The following NECAP1 variants were observed in gnomAD, a reference collection of about 807,000 sequenced individuals.
NECAP1 encodes the protein adaptin ear-binding coat-associated protein 1.
A neutral mutation model predicts 33.4 loss-of-function variants in NECAP1; 13 were observed. That is an observed-to-expected ratio of 0.39 (90% CI 0.25 to 0.62). The LOEUF (loss-of-function observed/expected upper bound fraction) is 0.62, where lower values mean the gene tolerates loss of function less well. Ranked by LOEUF, NECAP1 falls within the 20% of genes least tolerant of loss-of-function variation. The probability of loss-of-function intolerance (pLI) is 0.52; values close to 1 mark genes in which losing one functional copy is unlikely to be tolerated. For missense variants in NECAP1, 272 were observed against 347.4 expected (o/e 0.78, Z 1.73); for synonymous variants, 109 against 125.2 (o/e 0.87, Z 0.86).
At chr12:8,093,233 C>G (rs1038728542) in intron 6 of NECAP1, 178 bp downstream of exon 6, 23 of 569,340 alleles carry the variant, frequency 4.0e-5, no homozygotes, top group Non-Finnish European at 6.2e-5. Flanking sequence ...GTCATAGTAT[C>G]TCATAGGTTC....
rs758960360 is a variant in NECAP1, at chr12:8,087,014, T to A, written c.96-2922T>A. Among the ~76,000 whole-genome samples the A allele has an allele frequency of 9.4e-3, 1,371 of 146,562 alleles. 26 individuals are homozygous for A. The highest frequency in any genetic ancestry group is 0.032 in the African/African-American group (1,299 of 40,268). On this transcript the variant is annotated intron_variant, in intron 1 of 7. Coordinates refer to ENST00000339754, the MANE Select transcript of NECAP1 (RefSeq NM_015509.4). ...TCCAACCTATAAAACTATTTTTTTT[T>A]AAAAAAAAATTCTTCACTACCCTCT... is the stretch of plus-strand genomic sequence containing the variant.
rs1396292556 is a variant in NECAP1, at chr12:8,096,646, C to T, written c.*556C>T. On this transcript the variant is annotated 3_prime_UTR_variant, in exon 8 of 8. Transcript: ENST00000339754. Reference sequence around the variant, plus strand: ...TTCCTGGGTCTCTGCTGTGTAGTCTCCTTCAGGCTTATTGTGCTCAGTGAA... The same window carrying T: ...TTCCTGGGTCTCTGCTGTGTAGTCTTCTTCAGGCTTATTGTGCTCAGTGAA... The T allele has an allele frequency of 6.5e-6, 1 of 152,782 alleles. No individual in the cohort carries two copies. The highest frequency in any genetic ancestry group is 1.5e-5 in the Non-Finnish European group (1 of 68,264). 9.5% of individuals were successfully genotyped at this position (152,782 alleles called of 1,614,324 possible). A position where few individuals can be genotyped will look rare whatever the true frequency, so the allele number is the denominator to read the frequency against.
At chr12:8,092,537 C>T (rs1460762655) in intron 4 of NECAP1, 139 bp from the exon 5 acceptor site, 1 of 611,334 alleles carries the variant, frequency 1.6e-6, no homozygotes, top group South Asian at 2.4e-5. Context: ...GGCTTTTTTC[C>T]CTTCTGTTTC....
At position 8,090,300 on chromosome 12, in the gene NECAP1, G is replaced by A. The variant is rs1947531929; in HGVS notation, c.301+1G>A. The A allele has an allele frequency of 2.5e-6, 4 of 1,613,776 alleles. No individual in the cohort carries two copies. Among genetic ancestry groups the A allele is most frequent in the Non-Finnish European group, 3.4e-6 (4 of 1,179,666 alleles). On this transcript the variant is annotated splice_donor_variant, in intron 3 of 7. Transcript: ENST00000339754. LOFTEE classifies it high-confidence loss of function. ...GTAATCCGGATCCAGGATGGTACTG[G>A]TAAGAGAACTGGGATTTTGAGTGGA...
chr12:8,090,509 A>T, intron 3 of NECAP1: 1 of 534,540 alleles, frequency 1.9e-6, no homozygotes, highest in Non-Finnish European at 3.3e-6. Context: ...ATTCATATGT[A>T]GACTTAAATA....
chr12:8,093,154 C>G, intron 6 of NECAP1, 99 bp downstream of exon 6: 1 of 1,206,974 alleles, frequency 8.3e-7, no homozygotes, highest in Non-Finnish European at 1.2e-6. Flanking sequence ...TATGAAATAG[C>G]TCATGGTACT....
chr12:8,095,541 C>T (rs1947586781), intron 6 of NECAP1, 60 bp from the exon 7 acceptor site: 9 of 1,413,310 alleles, frequency 6.4e-6, no homozygotes, highest in Middle Eastern at 2.3e-4. Flanking sequence ...AGCCACCGCG[C>T]CCGGCCCTTC....
At chr12:8,088,712 T>C (rs1251997542) in intron 1 of NECAP1, among the ~76,000 whole-genome samples, 3 of 152,202 alleles carry the variant, frequency 2.0e-5, no homozygotes, top group African/African-American at 4.8e-5. Flanking sequence ...CTGAAGTTGT[T>C]ACTATGACCC....
intron 1 of NECAP1, 101 bp from the exon 2 acceptor site, chr12:8,089,835 A>G: frequency 1.2e-6 from 1 of 852,056 alleles, no homozygotes. Flanking sequence ...TAGAAAGAAT[A>G]GGCAATCCAG....
chr12:8,095,725 G>A (rs1025667633), intron 7 of NECAP1, 22 bp downstream of exon 7: 10 of 1,570,406 alleles, frequency 6.4e-6, no homozygotes, highest in Non-Finnish European at 7.9e-6. Context: ...AGTGAAACTA[G>A]CATACTCTCA....
Position 8,085,439 on chromosome 12 carries a change from A to G in NECAP1, c.95+3056A>G, listed in dbSNP as rs896507125. Among the ~76,000 whole-genome samples, 11 of 152,144 alleles carry G rather than the reference A, an allele frequency of 7.2e-5. 1 individual carries two copies. Among genetic ancestry groups the G allele is most frequent in the Middle Eastern group, 6.8e-3 (2 of 294 alleles). The stretch of plus-strand genomic sequence containing the variant: ...ACTGAGCCATTAAAGCAGTTTCTTA[A>G]TTTTCCTCTTTTTCCTGTTATCCTT... On this transcript the variant is annotated intron_variant, in intron 1 of 7. Transcript: ENST00000339754.
intron 6 of NECAP1, among the ~76,000 whole-genome samples, chr12:8,094,230 A>G (rs1445636740): frequency 6.6e-6 from 1 of 152,182 alleles, no homozygotes; most frequent in Non-Finnish European, 1.5e-5. Flanking sequence ...TTTTAAATTA[A>G]ATTATTATTT....
intron 4 of NECAP1, 26 bp downstream of exon 4, chr12:8,091,876 G>A (rs762099078): frequency 2.5e-6 from 4 of 1,585,368 alleles, no homozygotes; most frequent in Middle Eastern, 1.7e-4. Context: ...CCTTAGTTAC[G>A]AGGCTGAATG....
intron 6 of NECAP1, chr12:8,095,220 A>G (rs1947583461): frequency 5.7e-6 from 1 of 175,890 alleles, no homozygotes; most frequent in Admixed American, 5.7e-5. Context: ...GCAAACATAA[A>G]TTCTCATCTC....
At chr12:8,093,574 C>G (rs1235673009) in intron 6 of NECAP1, 1 of 155,126 alleles carries the variant, frequency 6.4e-6, no homozygotes, top group Non-Finnish European at 1.4e-5. Flanking sequence ...AAAAAAAATA[C>G]AAACATTAGT....
intron 5 of NECAP1, 25 bp downstream of exon 5, chr12:8,092,809 G>A: frequency 1.2e-6 from 2 of 1,600,424 alleles, no homozygotes; most frequent in Non-Finnish European, 1.7e-6. Flanking sequence ...TAAAAATTTT[G>A]TTTTCCTGTG....
Position 8,095,593 on chromosome 12 carries a change from G to C in NECAP1, c.677-8G>C, listed in dbSNP as rs1354301888. 1 of 1,599,460 alleles carries C rather than the reference G, an allele frequency of 6.3e-7. No individual in the cohort carries two copies. Among genetic ancestry groups the C allele is most frequent in the African/African-American group, 1.3e-5 (1 of 74,558 alleles). The stretch of plus-strand genomic sequence containing the variant: ...TTTTTCTTTTTTCTTTTCTTACCTT[G>C]TGTTTAGATATCCTTTTAGATTTGG... On this transcript the variant is annotated splice_region_variant and splice_polypyrimidine_tract_variant and intron_variant, in intron 6 of 7. Transcript: ENST00000339754.
chr12:8,095,970 A>G, intron 7 of NECAP1, 72 bp from the exon 8 acceptor site: 2 of 1,559,014 alleles, frequency 1.3e-6, no homozygotes, highest in Non-Finnish European at 1.8e-6. Context: ...TTTCTTAGAA[A>G]CTATTAAGTA....
At chr12:8,094,369 G>A (rs1216665881) in intron 6 of NECAP1, among the ~76,000 whole-genome samples, 1 of 152,142 alleles carries the variant, frequency 6.6e-6, no homozygotes, top group Non-Finnish European at 1.5e-5. Context: ...ATGAAAAATT[G>A]ATGTTGATAC....
Sources: gnomAD v4.1 joint callset for allele counts (sites outside exome capture counted in the v4.1 genomes callset) on GRCh38, gnomAD v4.1.1 for gene constraint, MANE v1.5 for transcripts, NCBI Gene and HGNC (gene_info 2026-07-23, HGNC 2026-07-21) for gene names.